STEAP3: variants seen among roughly 807,000 people sequenced by gnomAD.
STEAP3 encodes STEAP3 metalloreductase.
STEAP3 carries 35 observed loss-of-function variants against 34.9 expected under a neutral mutation model. The ratio of observed to expected loss-of-function variants is 1.00; its 90% confidence interval spans 0.76 to 1.33. The LOEUF (loss-of-function observed/expected upper bound fraction) is 1.33. Among genes scored for constraint, STEAP3 ranks in the 40% most tolerant of loss-of-function variants. The probability of loss-of-function intolerance (pLI) is 0.00; values close to 1 mark genes in which losing one functional copy is unlikely to be tolerated. For synonymous variants in STEAP3, 281 were observed against 301.6 expected, an observed-to-expected ratio of 0.93 and a Z score of 0.71; for missense variants, 652 against 667.6, an observed-to-expected ratio of 0.98 and a Z score of 0.26.
intron 2 of STEAP3, among the ~76,000 whole-genome samples, chr2:119,242,175 C>G (rs1004695070): frequency 2.0e-5 from 3 of 152,146 alleles, no homozygotes; most frequent in African/African-American, 7.2e-5. Context: ...TGGCAGGCAG[C>G]GGGGAGAGGG....
chr2:119,259,441 G>C (rs1288317302), intron 5 of STEAP3, among the ~76,000 whole-genome samples: 1 of 152,192 alleles, frequency 6.6e-6, no homozygotes, highest in Non-Finnish European at 1.5e-5. Context: ...GAAAGTCAAA[G>C]GCCCTTTGTT....
chr2:119,241,485 C>T (rs1174477382), intron 2 of STEAP3, among the ~76,000 whole-genome samples: 1 of 152,218 alleles, frequency 6.6e-6, no homozygotes, highest in East Asian at 1.9e-4. Context: ...AGGTGCTTAA[C>T]GTTTAGTTTG....
intron 2 of STEAP3, among the ~76,000 whole-genome samples, chr2:119,242,769 A>G (rs1036364775): frequency 7.2e-5 from 11 of 152,200 alleles, no homozygotes; most frequent in African/African-American, 2.7e-4. Context: ...TATAGCTGAG[A>G]AAACTGAGGC....
chr2:119,251,111 G>A (rs76944827), intron 4 of STEAP3, among the ~76,000 whole-genome samples: 2 of 152,104 alleles, frequency 1.3e-5, no homozygotes, highest in Non-Finnish European at 2.9e-5. Context: ...CCGCGGTTCT[G>A]GGCCTGGGCA....
chr2:119,257,230 T>C (rs1478969628), intron 5 of STEAP3, among the ~76,000 whole-genome samples: 1 of 152,204 alleles, frequency 6.6e-6, no homozygotes, highest in Non-Finnish European at 1.5e-5. Context: ...TTATATGGAA[T>C]TGCTAGTTTT....
At chr2:119,225,025 G>A (rs143097377) in intron 1 of STEAP3, among the ~76,000 whole-genome samples, 4 of 152,342 alleles carry the variant, frequency 2.6e-5, no homozygotes, top group Non-Finnish European at 4.4e-5. Flanking sequence ...AACAGGCTGT[G>A]TCCTCACGGG....
Position 119,263,215 on chromosome 2 carries a change from G to A in STEAP3, c.1374G>A (p.Leu458=), listed in dbSNP as rs1480522303. Residue 458 remains leucine, a synonymous_variant, in exon 6 of 6, where the codon CTG becomes CTA. Coordinates refer to ENST00000393110, the MANE Select transcript of STEAP3 (RefSeq NM_182915.3). Reference sequence around the variant, plus strand: ...GCGTCGTCATCCTGGCCAAAGCCCTGTTTCTCCTGCCCTGCATCAGCCGCA... The same window carrying A: ...GCGTCGTCATCCTGGCCAAAGCCCTATTTCTCCTGCCCTGCATCAGCCGCA... ...VPCVVILAKA[L]FLLPCISRRL... 2.4e-5 allele frequency: 38 copies of A among 1,614,032 alleles called. No individual in the cohort carries two copies. The highest frequency in any genetic ancestry group is 3.1e-5 in the Non-Finnish European group (37 of 1,180,034).
chr2:119,230,001 G>A (rs1679165532), intron 1 of STEAP3, among the ~76,000 whole-genome samples: 1 of 152,186 alleles, frequency 6.6e-6, no homozygotes, highest in Admixed American at 6.5e-5. Flanking sequence ...GTTTGGTGAT[G>A]ATAGGGGAAA....
chr2:119,242,041 C>A (rs181269871), intron 2 of STEAP3, among the ~76,000 whole-genome samples: 5 of 152,174 alleles, frequency 3.3e-5, no homozygotes, highest in Admixed American at 6.5e-5. Flanking sequence ...CAGTCATTGG[C>A]GATGGGTCTT....
chr2:119,238,619 G>A lies in STEAP3; in HGVS notation c.23-6870G>A, dbSNP rs559061028. ...CTCGATGCTGTGCTCTTTCGATTTC[G>A]TCAGCAGCGAATTAGCAGGACCTGG... On this transcript the variant is annotated intron_variant, in intron 2 of 5. Transcript: ENST00000393110. 2.7e-3 allele frequency among the ~76,000 whole-genome samples: 407 copies of A among 152,246 alleles called. 2 individuals carry two copies. The highest frequency in any genetic ancestry group is 5.0e-3 in the South Asian group (24 of 4,830).
chr2:119,259,814 C>T (rs922469094), intron 5 of STEAP3, among the ~76,000 whole-genome samples: 3 of 152,212 alleles, frequency 2.0e-5, no homozygotes, highest in Admixed American at 6.5e-5. Context: ...GGAAAGCCCA[C>T]GACACAGAGG....
At chr2:119,232,693 T>C (rs1180501894) in intron 2 of STEAP3, among the ~76,000 whole-genome samples, 1 of 152,186 alleles carries the variant, frequency 6.6e-6, no homozygotes, top group African/African-American at 2.4e-5. Flanking sequence ...TTATTCACTT[T>C]ACCTGACTGG....
chr2:119,262,335 TAC>T (rs3054837), intron 5 of STEAP3, among the ~76,000 whole-genome samples: 8,276 of 150,090 alleles, frequency 0.055, 282 homozygotes, highest in Middle Eastern at 0.097. Flanking sequence ...GTAAAATTTA[TAC>T]ACACACACAC....
intron 3 of STEAP3, chr2:119,246,294 G>T: frequency 5.8e-6 from 2 of 342,816 alleles, no homozygotes; most frequent in Admixed American, 4.3e-5. Flanking sequence ...GCTATTTGGA[G>T]CCAAGAAGGA....
At chr2:119,261,771 GA>G (rs1442567566) in intron 5 of STEAP3, among the ~76,000 whole-genome samples, 2 of 152,200 alleles carry the variant, frequency 1.3e-5, no homozygotes, top group African/African-American at 4.8e-5. Flanking sequence ...TGGAGTCATA[GA>G]GCAGCACTTC....
intron 4 of STEAP3, 189 bp downstream of exon 4, chr2:119,248,395 C>T (rs1677518776): frequency 2.9e-6 from 2 of 685,388 alleles, no homozygotes; most frequent in South Asian, 2.1e-5. Context: ...GTGAACAAAG[C>T]AGATGAAAAT....
Position 119,248,113 on chromosome 2 carries a change from C to G in STEAP3, c.957C>G (p.Ser319Arg). 6.2e-7 allele frequency: 1 copy of G among 1,608,880 alleles called. No homozygotes were observed. The highest frequency in any genetic ancestry group is 8.5e-7 in the Non-Finnish European group (1 of 1,179,932). ...LQHRKQIGLL[S>R]FFCAALHALY... ...ACCGCAAGCAGATCGGGCTGCTCAG[C>G]TTCTTCTGCGCCGCCCTGCACGCCC... The change falls in exon 4 of 6, where the codon AGC becomes AGG. Residue 319 changes from serine (S) to arginine (R), a missense_variant. Physicochemically the swap from Ser to Arg is moderately radical, Grantham distance 110. Coordinates refer to ENST00000393110, the MANE Select transcript of STEAP3 (RefSeq NM_182915.3).
chr2:119,248,273 C>G (rs866643906), intron 4 of STEAP3, 67 bp downstream of exon 4: 3 of 1,406,224 alleles, frequency 2.1e-6, no homozygotes, highest in Admixed American at 2.1e-5. Flanking sequence ...CTCCCCCCCC[C>G]ACCAACCAGG....
intron 5 of STEAP3, 115 bp downstream of exon 5, chr2:119,254,963 C>T (rs1317435125): frequency 7.5e-7 from 1 of 1,329,616 alleles, no homozygotes; most frequent in Non-Finnish European, 1.0e-6. Context: ...ACAGCAGGAC[C>T]ACTCGGTGAG....
Sources: gnomAD v4.1 joint callset for allele counts (sites outside exome capture counted in the v4.1 genomes callset) on GRCh38, gnomAD v4.1.1 for gene constraint, MANE v1.5 for transcripts, NCBI Gene and HGNC (gene_info 2026-07-23, HGNC 2026-07-21) for gene names.